Variants in GPC5 observed in about 807,000 individuals in gnomAD.
GPC5 encodes glypican 5, also known as glypican-5.
Under a neutral mutation model 53.9 loss-of-function variants are expected in GPC5, and 47 were observed. The ratio of observed to expected loss-of-function variants is 0.87; its 90% CI spans 0.69 to 1.11. GPC5 has a LOEUF of 1.11. Among genes scored for constraint, GPC5 ranks in the 50% most tolerant of loss-of-function variants. The pLI, the probability that GPC5 is intolerant of heterozygous loss-of-function variation, is 0.00. For synonymous variants in GPC5, 286 were observed against 263.3 expected (o/e 1.09, Z -0.84); for missense variants, 748 against 713.1 (o/e 1.05, Z -0.56).
At chr13:92,662,595 A>T (rs964766478) in intron 7 of GPC5, among the ~76,000 whole-genome samples, 1 of 152,160 alleles carries the variant, frequency 6.6e-6, no homozygotes, top group Non-Finnish European at 1.5e-5. Context: ...TTGAGTGCCT[A>T]CATGATTTTT....
At chr13:91,820,403 A>G (rs1650662079) in intron 5 of GPC5, among the ~76,000 whole-genome samples, 1 of 152,136 alleles carries the variant, frequency 6.6e-6, no homozygotes, top group African/African-American at 2.4e-5. Flanking sequence ...ACACAGGGCC[A>G]TGCAAGTCCC....
In GPC5 at chr13:91,693,876, GA is replaced by G; in HGVS notation, c.1017del (p.Glu339AspfsTer3). 10 of 1,587,604 alleles carry G rather than the reference GA, an allele frequency of 6.3e-6. No individual in the cohort carries two copies. Among genetic ancestry groups the G allele is most frequent in the Non-Finnish European group, 8.6e-6 (10 of 1,166,996 alleles). Reference sequence around the variant, plus strand: ...TCACCTCAATGGACAAAAATTATTGGAACAGGTAAGTAGGAGCTCCACATTT... The same window carrying G: ...TCACCTCAATGGACAAAAATTATTGGACAGGTAAGTAGGAGCTCCACATTT... ...QAHLNGQKLL[E>X]QVNRICGRPV... is the part of the protein sequence containing the mutation. On this transcript the variant is annotated frameshift_variant, in exon 3 of 8. Transcript: ENST00000377067. LOFTEE classifies it high-confidence loss of function.
chr13:92,278,564 T>C (rs9516032), intron 7 of GPC5, among the ~76,000 whole-genome samples: 13,003 of 151,798 alleles, frequency 0.086, 618 homozygotes, highest in Middle Eastern at 0.12. Flanking sequence ...TCCCACTTAT[T>C]TATTTTTTCT....
chr13:92,738,894 T>C (rs1226465539), intron 7 of GPC5, among the ~76,000 whole-genome samples: 1 of 152,072 alleles, frequency 6.6e-6, no homozygotes, highest in Non-Finnish European at 1.5e-5. Context: ...AAAAGTAATG[T>C]TTAGCATAGA....
intron 7 of GPC5, among the ~76,000 whole-genome samples, chr13:92,755,507 C>CA (rs1403056620): frequency 6.6e-6 from 1 of 151,774 alleles, no homozygotes; most frequent in African/African-American, 2.4e-5. Context: ...AATGGAGACA[C>CA]AAAAAACCCT....
chr13:92,145,144 C>T (rs557691729), intron 7 of GPC5, among the ~76,000 whole-genome samples, 155 bp downstream of exon 7: 55 of 151,840 alleles, frequency 3.6e-4, no homozygotes, highest in African/African-American at 1.1e-3. Context: ...TTAGGACATA[C>T]ATTCTTGGTG....
intron 7 of GPC5, among the ~76,000 whole-genome samples, chr13:92,590,868 G>A (rs905189835): frequency 2.6e-5 from 4 of 152,134 alleles, no homozygotes; most frequent in African/African-American, 9.7e-5. Flanking sequence ...ATGAGCTTAT[G>A]GTTCAGTAGG....
chr13:92,260,485 C>T (rs967649444), intron 7 of GPC5, among the ~76,000 whole-genome samples: 7 of 152,176 alleles, frequency 4.6e-5, no homozygotes, highest in African/African-American at 1.7e-4. Context: ...GCATCAGGCC[C>T]GGCTCCTTGA....
chr13:91,900,067 C>G (rs2039482375), intron 5 of GPC5, among the ~76,000 whole-genome samples: 1 of 151,974 alleles, frequency 6.6e-6, no homozygotes. Flanking sequence ...ATTATCGTAT[C>G]TTGCAAGTAA....
intron 7 of GPC5, among the ~76,000 whole-genome samples, chr13:92,518,974 C>A (rs192092030): frequency 0.011 from 1,701 of 152,188 alleles, 34 homozygotes; most frequent in African/African-American, 0.039. Context: ...GCAGGGGTTG[C>A]AATCCTAGTC....
chr13:92,027,210 C>T (rs1446691316), intron 6 of GPC5, among the ~76,000 whole-genome samples: 2 of 152,046 alleles, frequency 1.3e-5, no homozygotes, highest in Admixed American at 6.6e-5. Context: ...AATTATAGAG[C>T]TATCAATGAA....
At chr13:92,175,368 A>G (rs1439948511) in intron 7 of GPC5, among the ~76,000 whole-genome samples, 2 of 152,194 alleles carry the variant, frequency 1.3e-5, no homozygotes, top group Admixed American at 6.5e-5. Flanking sequence ...TTGACACCTA[A>G]TTGGAATTCA....
chr13:92,004,580 A>G (rs2040589706), intron 6 of GPC5, among the ~76,000 whole-genome samples: 1 of 150,394 alleles, frequency 6.6e-6, no homozygotes, highest in Admixed American at 6.7e-5. Flanking sequence ...TTAAAAGAAA[A>G]TTAATGTTAG....
chr13:92,096,508 T>C (rs2041423274), intron 6 of GPC5, among the ~76,000 whole-genome samples: 1 of 152,220 alleles, frequency 6.6e-6, no homozygotes. Flanking sequence ...TTCAAATTCA[T>C]GTGTTAAAGC....
intron 6 of GPC5, among the ~76,000 whole-genome samples, chr13:92,082,795 TA>T (rs773760129): frequency 6.6e-6 from 1 of 152,212 alleles, no homozygotes; most frequent in Non-Finnish European, 1.5e-5. Context: ...ACTACCAGGT[TA>T]TTTTACATAT....
chr13:92,081,074 A>G (rs115081725), intron 6 of GPC5, among the ~76,000 whole-genome samples: 79 of 152,134 alleles, frequency 5.2e-4, no homozygotes, highest in African/African-American at 1.8e-3. Flanking sequence ...TATTTTGTCT[A>G]TCTCACCCAC....
chr13:92,832,072 C>G (rs1285238408), intron 7 of GPC5, among the ~76,000 whole-genome samples: 1 of 151,820 alleles, frequency 6.6e-6, no homozygotes, highest in African/African-American at 2.4e-5. Context: ...AAATGAATGA[C>G]TTAAAGAATG....
At chr13:91,539,733 G>A (rs1049576109) in intron 2 of GPC5, among the ~76,000 whole-genome samples, 21 of 151,946 alleles carry the variant, frequency 1.4e-4, no homozygotes, top group African/African-American at 4.4e-4. Context: ...AAATGAGGAT[G>A]TATACTTTAT....
chr13:91,917,770 G>T (rs888223295), intron 6 of GPC5, among the ~76,000 whole-genome samples: 1 of 152,116 alleles, frequency 6.6e-6, no homozygotes, highest in Non-Finnish European at 1.5e-5. Context: ...CTCCACATGA[G>T]ACCACCTCAG....
Sources: allele counts gnomAD v4.1 joint callset (sites outside exome capture counted in the v4.1 genomes callset), GRCh38; gene constraint gnomAD v4.1.1; transcripts MANE v1.5; gene names NCBI Gene and HGNC (gene_info 2026-07-23, HGNC 2026-07-21).